The following ACTL8 variants were observed in gnomAD, a reference collection of about 807,000 sequenced individuals.
ACTL8 encodes the protein actin like 8.
Under a neutral mutation model 9.3 loss-of-function variants are expected in ACTL8, and 3 were observed. That is an observed-to-expected ratio of 0.32 (90% confidence interval 0.15 to 0.83). The LOEUF (loss-of-function observed/expected upper bound fraction) is 0.83. Ranked by LOEUF, ACTL8 falls within the 40% of genes least tolerant of loss-of-function variation. The pLI is 0.57. For missense variants in ACTL8, 381 were observed against 492.2 expected (o/e 0.77, Z 2.14); for synonymous variants, 224 against 205.9 (o/e 1.09, Z -0.75).
At chr1:17,800,540 TGA>T (rs2066313095) in intron 1 of ACTL8, among the ~76,000 whole-genome samples, 1 of 151,658 alleles carries the variant, frequency 6.6e-6, no homozygotes, top group Non-Finnish European at 1.5e-5. Context: ...CGTTTGATGT[TGA>T]GTTGTTGCTC....
In ACTL8 at chr1:17,809,399, C is replaced by T. The variant is rs192154942; in HGVS notation, c.-24-13586C>T. Among the ~76,000 whole-genome samples the T allele has an allele frequency of 2.6e-5, 4 of 152,172 alleles. No homozygotes were observed. In the East Asian group the frequency reaches 7.8e-4, roughly 29 times the overall value. ...GGAAGGGCTAGCCGGGGGTTCCACA[C>T]AGAGGGTAAGGCAAACATAGGGGCT... is the stretch of plus-strand genomic sequence containing the variant. On this transcript the variant is annotated intron_variant, in intron 1 of 2. Coordinates refer to ENST00000375406, the MANE Select transcript of ACTL8 (RefSeq NM_030812.3).
At position 17,826,456 on chromosome 1, in the gene ACTL8, C is replaced by T. The variant is rs1425238317; in HGVS notation, c.1038C>T (p.His346=). 6.2e-7 allele frequency: 1 copy of T among 1,612,054 alleles called. No homozygotes were observed. Residue 346 remains histidine (H), a synonymous_variant, in exon 3 of 3, where the codon CAC becomes CAT. Coordinates refer to ENST00000375406, the MANE Select transcript of ACTL8 (RefSeq NM_030812.3). The surrounding 1 kb of genome is among the most constrained non-coding windows in gnomAD (Gnocchi z 4.5). ...GGCTAGGAGCGTCCGTGGTGGCTCA[C>T]CTTTCTACCTACCAGTCTGAGTGGA... ...SVWLGASVVA[H]LSTYQSEWMS...
At chr1:17,818,116 A>G (rs571527381) in intron 1 of ACTL8, among the ~76,000 whole-genome samples, 2 of 152,276 alleles carry the variant, frequency 1.3e-5, no homozygotes, top group African/African-American at 4.8e-5. Context: ...TAAATTTCTT[A>G]ATTTCCTCCC....
In ACTL8 at chr1:17,771,219, T is replaced by G. The variant is rs183834114; in HGVS notation, c.-25+15715T>G. On this transcript the variant is annotated intron_variant, in intron 1 of 2. Transcript: ENST00000375406. ...ATGTAAATGATGGGCGTGGCTGTGTTCCAATAAAACTTTATTTATAGACAC... is the reference window on the plus strand; with the variant it reads ...ATGTAAATGATGGGCGTGGCTGTGTGCCAATAAAACTTTATTTATAGACAC... Among the ~76,000 whole-genome samples the G allele has an allele frequency of 5.9e-5, 9 of 152,324 alleles. No individual in the cohort carries two copies. The East Asian group carries it at 1.7e-3, about 29-fold the overall frequency.
chr1:17,823,087 A>G lies in ACTL8; in HGVS notation c.79A>G (p.Met27Val), dbSNP rs1233268988. The G allele has an allele frequency of 9.9e-6, 16 of 1,614,104 alleles. No homozygotes were observed. In the East Asian group the frequency reaches 3.3e-4, roughly 34 times the overall value. The change falls in exon 2 of 3, where the codon ATG becomes GTG. Residue 27 changes from methionine (M) to valine (V), a missense_variant. Transcript: ENST00000375406. This position sits in a 1 kb window ranked among gnomAD's most constrained non-coding sequence, Gnocchi z 5.3. ...AGTAGWNEPQ[M>V]VFPNIVNYLP... ...CACGGCCGGCTGGAATGAGCCTCAG[A>G]TGGTCTTCCCGAACATCGTGAACTA...
chr1:17,812,563 G>A (rs967826110), intron 1 of ACTL8, among the ~76,000 whole-genome samples: 1 of 150,450 alleles, frequency 6.6e-6, no homozygotes, highest in Admixed American at 6.6e-5. Context: ...CCAAGAAGCT[G>A]CGACTACAGG....
At chr1:17,756,540 A>C (rs983030750) in intron 1 of ACTL8, among the ~76,000 whole-genome samples, 5 of 152,162 alleles carry the variant, frequency 3.3e-5, no homozygotes, top group African/African-American at 1.2e-4. Context: ...TTGTTAATTC[A>C]GTTCTCTATT....
At chr1:17,822,824 G>A (rs1056721902) in intron 1 of ACTL8, among the ~76,000 whole-genome samples, 161 bp from the exon 2 acceptor site, 1 of 152,172 alleles carries the variant, frequency 6.6e-6, no homozygotes, top group Non-Finnish European at 1.5e-5. Flanking sequence ...TTTGGGATGG[G>A]GGGAGTGTTC....
intron 1 of ACTL8, among the ~76,000 whole-genome samples, chr1:17,812,596 ATT>A (rs34761963): frequency 1.7e-3 from 226 of 136,244 alleles, no homozygotes; most frequent in African/African-American, 3.5e-3. Context: ...CGCCCTGTCA[ATT>A]TTTTTTTTTT....
chr1:17,761,327 G>T lies in ACTL8; in HGVS notation c.-25+5823G>T, dbSNP rs181658360. 5.1e-3 allele frequency among the ~76,000 whole-genome samples: 769 copies of T among 152,070 alleles called. 7 individuals are homozygous for T. Among genetic ancestry groups the T allele is most frequent in the Non-Finnish European group, 6.6e-3 (451 of 67,974 alleles). On this transcript the variant is annotated intron_variant, in intron 1 of 2. Transcript: ENST00000375406. ...AAGGGCCTAGCGCAGTGCCTGGCAT[G>T]CAGCAGTGACTTAATAAATGCATGT...
In ACTL8 at chr1:17,823,109, A is replaced by ACT; in HGVS notation, c.102_103dup (p.Tyr35SerfsTer18). 6.2e-7 allele frequency: 1 copy of ACT among 1,614,228 alleles called. No homozygotes were observed. The highest frequency in any genetic ancestry group is 8.5e-7 in the Non-Finnish European group (1 of 1,180,042). ...CAGATGGTCTTCCCGAACATCGTGA[A>ACT]CTACCTACCGTGCAAGGAGAACCCT... On this transcript the variant is annotated frameshift_variant, in exon 2 of 3. Coordinates refer to ENST00000375406, the MANE Select transcript of ACTL8 (RefSeq NM_030812.3). LOFTEE classifies it high-confidence loss of function. This position sits in a 1 kb window ranked among gnomAD's most constrained non-coding sequence, Gnocchi z 5.3.
intron 1 of ACTL8, among the ~76,000 whole-genome samples, chr1:17,778,487 CG>C (rs1172304551): frequency 6.6e-6 from 1 of 151,962 alleles, no homozygotes; most frequent in Non-Finnish European, 1.5e-5. Flanking sequence ...AGCATGTTGT[CG>C]GGTGTGGCTC....
chr1:17,799,642 T>C (rs1218785103), intron 1 of ACTL8, among the ~76,000 whole-genome samples: 1 of 152,196 alleles, frequency 6.6e-6, no homozygotes, highest in African/African-American at 2.4e-5. Flanking sequence ...GTGTGCCTTC[T>C]GTCTTGTTTT....
At chr1:17,780,972 C>T (rs1158417921) in intron 1 of ACTL8, among the ~76,000 whole-genome samples, 1 of 152,134 alleles carries the variant, frequency 6.6e-6, no homozygotes, top group Non-Finnish European at 1.5e-5. Context: ...ATCTGAATGG[C>T]TTGAGAGAAA....
intron 1 of ACTL8, among the ~76,000 whole-genome samples, chr1:17,759,471 G>T (rs773907649): frequency 2.0e-5 from 3 of 152,272 alleles, no homozygotes; most frequent in Admixed American, 6.5e-5. Flanking sequence ...GTGGCACCCT[G>T]CGGGGCAGAT....
intron 1 of ACTL8, among the ~76,000 whole-genome samples, chr1:17,805,018 C>T (rs1008654326): frequency 4.6e-5 from 7 of 152,260 alleles, no homozygotes; most frequent in East Asian, 1.9e-4. Flanking sequence ...AGTGGCTCTC[C>T]GTCTCCCTAG....
At chr1:17,804,951 C>T (rs1180174673) in intron 1 of ACTL8, among the ~76,000 whole-genome samples, 1 of 152,012 alleles carries the variant, frequency 6.6e-6, no homozygotes, top group Non-Finnish European at 1.5e-5. Context: ...CAGCCAGTGT[C>T]ATTCTCCTAA....
intron 1 of ACTL8, among the ~76,000 whole-genome samples, chr1:17,818,197 G>A (rs1316206697): frequency 6.6e-6 from 1 of 152,124 alleles, no homozygotes; most frequent in Non-Finnish European, 1.5e-5. Context: ...CAGCTTTTCA[G>A]GCTAAAAATT....
At chr1:17,790,263 C>T (rs972124219) in intron 1 of ACTL8, among the ~76,000 whole-genome samples, 1 of 152,248 alleles carries the variant, frequency 6.6e-6, no homozygotes, top group Non-Finnish European at 1.5e-5. Flanking sequence ...CAGGTCTGGG[C>T]TCCCTGAAGG....
Sources: allele counts gnomAD v4.1 joint callset (sites outside exome capture counted in the v4.1 genomes callset), GRCh38; gene constraint gnomAD v4.1.1; non-coding constraint Gnocchi (gnomAD v3.1); transcripts MANE v1.5; gene names NCBI Gene and HGNC (gene_info 2026-07-23, HGNC 2026-07-21).